The following GSK3B variants were observed in gnomAD, a reference collection of about 807,000 sequenced individuals.
The protein encoded by GSK3B is glycogen synthase kinase 3 beta, also known as glycogen synthase kinase-3 beta.
Under a neutral mutation model 56.4 loss-of-function variants are expected in GSK3B, and 15 were observed. The ratio of observed to expected loss-of-function variants is 0.27; its 90% CI spans 0.18 to 0.41. The LOEUF (loss-of-function observed/expected upper bound fraction) is 0.41, where lower values mean the gene tolerates loss of function less well. GSK3B is among the 10% of genes least tolerant of loss of function. GSK3B has a pLI of 1.00. For missense variants in GSK3B, 300 were observed against 513.4 expected, an observed-to-expected ratio of 0.58 and a Z score of 4.02; for synonymous variants, 181 against 188.9, an observed-to-expected ratio of 0.96 and a Z score of 0.34.
At chr3:120,088,173 T>C (rs1414916896) in intron 1 of GSK3B, among the ~76,000 whole-genome samples, 1 of 152,328 alleles carries the variant, frequency 6.6e-6, no homozygotes, top group African/African-American at 2.4e-5. Context: ...ATTACAGGCG[T>C]GAGCCACCGT....
chr3:119,879,911 A>C (rs769694160), intron 7 of GSK3B, among the ~76,000 whole-genome samples: 1 of 152,208 alleles, frequency 6.6e-6, no homozygotes, highest in Non-Finnish European at 1.5e-5. Context: ...GCTATTGTGA[A>C]GAGTGCTGCA....
chr3:120,035,092 C>CA (rs1000567596), intron 1 of GSK3B, among the ~76,000 whole-genome samples: 44 of 145,036 alleles, frequency 3.0e-4, no homozygotes, highest in Admixed American at 1.2e-3. Flanking sequence ...GACTCCATCT[C>CA]AAAAAAAAAA....
At chr3:119,930,117 ACACACACGTGCGCATG>A (rs992562897) in intron 3 of GSK3B, among the ~76,000 whole-genome samples, 5 of 149,866 alleles carry the variant, frequency 3.3e-5, no homozygotes, top group Admixed American at 2.7e-4. Context: ...ACACACACAC[ACACACACGTGCGCATG>A]CACACACACA....
At chr3:120,062,800 C>A (rs973453762) in intron 1 of GSK3B, among the ~76,000 whole-genome samples, 2 of 152,086 alleles carry the variant, frequency 1.3e-5, no homozygotes, top group African/African-American at 4.8e-5. Context: ...TAGTATTAAA[C>A]CATAATTGAT....
intron 1 of GSK3B, among the ~76,000 whole-genome samples, chr3:120,051,558 G>A (rs1218302021): frequency 2.0e-5 from 3 of 152,128 alleles, no homozygotes; most frequent in Non-Finnish European, 2.9e-5. Flanking sequence ...CCTGAGGTCA[G>A]GACTTTGAGA....
intron 7 of GSK3B, among the ~76,000 whole-genome samples, chr3:119,885,275 A>AATAAAATAAAATAAC (rs1336888502): frequency 7.3e-5 from 11 of 151,476 alleles, no homozygotes; most frequent in Admixed American, 5.3e-4. Flanking sequence ...AATAAAATAA[A>AATAAAATAAAATAAC]ATAAAATAAA....
At chr3:120,064,661 C>T (rs1006273778) in intron 1 of GSK3B, among the ~76,000 whole-genome samples, 1 of 151,974 alleles carries the variant, frequency 6.6e-6, no homozygotes, top group Admixed American at 6.6e-5. Context: ...AAAGGCAATC[C>T]TAAAATATAT....
At chr3:119,912,045 T>C (rs1292882466) in intron 6 of GSK3B, among the ~76,000 whole-genome samples, 1 of 152,194 alleles carries the variant, frequency 6.6e-6, no homozygotes, top group Admixed American at 6.5e-5. Flanking sequence ...ACAATTTCGA[T>C]ATGCCTTCCT....
intron 1 of GSK3B, chr3:120,029,529 G>A: frequency 1.6e-6 from 1 of 624,028 alleles, no homozygotes; most frequent in Non-Finnish European, 3.1e-6. Flanking sequence ...AGTTGCCACA[G>A]GAAGATAGGG....
At chr3:119,945,690 TA>T (rs1426719429) in intron 3 of GSK3B, among the ~76,000 whole-genome samples, 1 of 152,202 alleles carries the variant, frequency 6.6e-6, no homozygotes, top group East Asian at 1.9e-4. Context: ...TATAAAGCAT[TA>T]AAACAGTGCC....
At chr3:119,827,636 G>A (rs4552394) in intron 10 of GSK3B, among the ~76,000 whole-genome samples, 4,434 of 138,360 alleles carry the variant, frequency 0.032, 214 homozygotes, top group African/African-American at 0.11. Context: ...AAAGAAAAGA[G>A]AAAAGAAAAA....
intron 1 of GSK3B, among the ~76,000 whole-genome samples, chr3:120,038,916 A>T (rs2058043827): frequency 1.3e-5 from 2 of 152,178 alleles, no homozygotes; most frequent in South Asian, 4.1e-4. Flanking sequence ...GACAAGACAT[A>T]GACTGGGAGA....
At chr3:120,087,831 A>C (rs772824338) in intron 1 of GSK3B, among the ~76,000 whole-genome samples, 52 of 152,296 alleles carry the variant, frequency 3.4e-4, no homozygotes, top group Admixed American at 6.5e-4. Context: ...CTCTTCCCAA[A>C]ATATAAGCAA....
At chr3:119,834,802 G>C (rs1225172985) in intron 10 of GSK3B, among the ~76,000 whole-genome samples, 1 of 152,192 alleles carries the variant, frequency 6.6e-6, no homozygotes, top group African/African-American at 2.4e-5. Context: ...ATTACTTTTA[G>C]AGGAGGGGAA....
chr3:119,905,909 G>A, intron 6 of GSK3B, 57 bp from the exon 7 acceptor site: 1 of 925,080 alleles, frequency 1.1e-6, no homozygotes, highest in Admixed American at 1.8e-5. Flanking sequence ...GCTGAAAAGT[G>A]TTTGTATACG....
At chr3:120,027,929 G>C (rs550263735) in intron 1 of GSK3B, among the ~76,000 whole-genome samples, 3 of 152,040 alleles carry the variant, frequency 2.0e-5, no homozygotes, top group Non-Finnish European at 4.4e-5. Flanking sequence ...TCTTTCCAAA[G>C]AAGTATTACT....
intron 7 of GSK3B, among the ~76,000 whole-genome samples, chr3:119,895,424 C>T (rs1257252753): frequency 1.0e-5 from 1 of 99,728 alleles, no homozygotes; most frequent in Non-Finnish European, 1.7e-5. Flanking sequence ...TTCAAGTCTT[C>T]AGGATAGATT....
intron 3 of GSK3B, among the ~76,000 whole-genome samples, chr3:119,926,642 G>T (rs1209159205): frequency 6.6e-6 from 1 of 151,860 alleles, no homozygotes; most frequent in Non-Finnish European, 1.5e-5. Flanking sequence ...CATTATTTCT[G>T]TCCTCTATTC....
At chr3:119,983,356 T>A (rs2057482814) in intron 2 of GSK3B, among the ~76,000 whole-genome samples, 1 of 152,070 alleles carries the variant, frequency 6.6e-6, no homozygotes, top group Admixed American at 6.6e-5. Flanking sequence ...TATATAGCAA[T>A]ATTAACCTTA....
Sources: gnomAD v4.1 joint callset for allele counts (sites outside exome capture counted in the v4.1 genomes callset) on GRCh38, gnomAD v4.1.1 for gene constraint, MANE v1.5 for transcripts, NCBI Gene and HGNC (gene_info 2026-07-23, HGNC 2026-07-21) for gene names.